Variants in PHIP observed in about 807,000 individuals in gnomAD.
PHIP encodes the protein PH-interacting protein.
PHIP carries 54 observed loss-of-function variants against 236.8 expected under a neutral mutation model. That is an observed-to-expected ratio of 0.23 (90% confidence interval 0.18 to 0.29). The LOEUF (loss-of-function observed/expected upper bound fraction) is 0.29, where lower values mean the gene tolerates loss of function less well. PHIP is among the 10% of genes least tolerant of loss of function. The pLI, the probability that PHIP is intolerant of heterozygous loss-of-function variation, is 1.00. For synonymous variants in PHIP, 756 were observed against 718.9 expected (o/e 1.05, Z -0.83); for missense variants, 1,370 against 2,190.8 (o/e 0.63, Z 7.48).
intron 24 of PHIP, among the ~76,000 whole-genome samples, chr6:78,976,730 C>T (rs1361422933): frequency 1.4e-5 from 2 of 146,926 alleles, no homozygotes; most frequent in Admixed American, 6.9e-5. Context: ...TGAACAGACA[C>T]TTCTCAAAAG....
intron 7 of PHIP, among the ~76,000 whole-genome samples, chr6:79,038,861 C>T (rs554188053): frequency 6.6e-6 from 1 of 152,286 alleles, no homozygotes; most frequent in Admixed American, 6.5e-5. Flanking sequence ...CAAACTTCTC[C>T]CCTTAAATTC....
intron 7 of PHIP, among the ~76,000 whole-genome samples, chr6:79,033,320 TTCTC>T (rs1771764663): frequency 6.6e-6 from 1 of 152,166 alleles, no homozygotes; most frequent in East Asian, 1.9e-4. Flanking sequence ...AGGCATTGAC[TTCTC>T]TCTAATTATG....
intron 10 of PHIP, among the ~76,000 whole-genome samples, 194 bp from the exon 11 acceptor site, chr6:79,017,777 G>A (rs934627408): frequency 6.6e-6 from 1 of 151,800 alleles, no homozygotes; most frequent in African/African-American, 2.4e-5. Context: ...TATCTGACTA[G>A]AATGAATTTT....
chr6:79,052,262 T>C (rs1413643374), intron 6 of PHIP, among the ~76,000 whole-genome samples: 1 of 152,214 alleles, frequency 6.6e-6, no homozygotes, highest in Non-Finnish European at 1.5e-5. Flanking sequence ...AGCCACAGAA[T>C]GCTGATGTGA....
rs115468308 is a variant in PHIP at position 78,981,187 on chromosome 6, G to C, written c.2769+1699C>G. ...TTTGAGGTTTTTTTAAATATGGAAA[G>C]TATAAATAATTTCTTTCCTTTCCAA... On this transcript the variant is annotated intron_variant, in intron 23 of 39. Coordinates refer to ENST00000275034, the MANE Select transcript of PHIP (RefSeq NM_017934.7). Among the ~76,000 whole-genome samples, 898 of 152,040 alleles carry C rather than the reference G, an allele frequency of 5.9e-3. 4 individuals are homozygous for C. Among genetic ancestry groups the C allele is most frequent in the African/African-American group, 0.02 (828 of 41,524 alleles).
Position 79,050,590 on chromosome 6 carries a change from T to A in PHIP, c.440-7587A>T, listed in dbSNP as rs148752551. ...CTGATTAATTTTTGAGCTGTTCTGT[T>A]TTCCAAACTTTCTCTATAGAGCATA... On this transcript the variant is annotated intron_variant, in intron 6 of 39. Coordinates refer to ENST00000275034, the MANE Select transcript of PHIP (RefSeq NM_017934.7). Among the ~76,000 whole-genome samples the A allele has an allele frequency of 1.7e-3, 266 of 152,294 alleles. 1 individual carries two copies. Among genetic ancestry groups the A allele is most frequent in the African/African-American group, 6.1e-3 (253 of 41,580 alleles).
At chr6:79,037,575 A>T (rs1772003144) in intron 7 of PHIP, among the ~76,000 whole-genome samples, 1 of 152,186 alleles carries the variant, frequency 6.6e-6, no homozygotes, top group South Asian at 2.1e-4. Flanking sequence ...AAAAAATAAT[A>T]ATAATAATCA....
intron 7 of PHIP, among the ~76,000 whole-genome samples, chr6:79,040,170 C>T (rs1772136671): frequency 6.6e-6 from 1 of 151,960 alleles, no homozygotes; most frequent in African/African-American, 2.4e-5. Context: ...CACAAAAATC[C>T]TATGTGGTTG....
intron 4 of PHIP, among the ~76,000 whole-genome samples, chr6:79,065,801 C>CACAA: frequency 6.7e-6 from 1 of 149,362 alleles, no homozygotes; most frequent in Admixed American, 6.6e-5. Context: ...CACACACACA[C>CACAA]ACACAGAATA....
At chr6:79,028,862 C>A (rs1005987360) in intron 7 of PHIP, among the ~76,000 whole-genome samples, 1 of 152,164 alleles carries the variant, frequency 6.6e-6, no homozygotes. Context: ...AGATGCTTCA[C>A]ATATTTTTCA....
At chr6:78,964,717 A>T (rs1001855389) in intron 29 of PHIP, among the ~76,000 whole-genome samples, 1 of 152,052 alleles carries the variant, frequency 6.6e-6, no homozygotes, top group African/African-American at 2.4e-5. Flanking sequence ...GCTCTCCAAC[A>T]CCTGACCTCG....
intron 4 of PHIP, among the ~76,000 whole-genome samples, chr6:79,062,931 T>G (rs72904880): frequency 0.026 from 3,943 of 152,314 alleles, 87 homozygotes; most frequent in Non-Finnish European, 0.041. Flanking sequence ...TGCCCCTTTT[T>G]GGACACTTTG....
chr6:79,061,492 A>C (rs1016495488), intron 4 of PHIP, among the ~76,000 whole-genome samples: 1 of 152,188 alleles, frequency 6.6e-6, no homozygotes, highest in Admixed American at 6.5e-5. Flanking sequence ...ATGCAGAAGC[A>C]GATAGGAAAA....
intron 31 of PHIP, among the ~76,000 whole-genome samples, chr6:78,961,385 T>C (rs531684153): frequency 4.6e-5 from 7 of 152,168 alleles, no homozygotes; most frequent in Admixed American, 1.3e-4. Flanking sequence ...CTTTATAAAA[T>C]ACAATATAAA....
intron 4 of PHIP, among the ~76,000 whole-genome samples, chr6:79,061,561 T>G (rs762015470): frequency 2.0e-5 from 3 of 152,134 alleles, no homozygotes; most frequent in Non-Finnish European, 4.4e-5. Flanking sequence ...AATGCCACGC[T>G]TCTCACAAAT....
intron 4 of PHIP, among the ~76,000 whole-genome samples, chr6:79,066,635 T>TAC (rs1277390717): frequency 1.3e-5 from 2 of 152,206 alleles, no homozygotes; most frequent in Non-Finnish European, 1.5e-5. Flanking sequence ...TCACTTGCAC[T>TAC]ACTAAGGAAA....
chr6:79,059,622 T>TATATATATATATATATATAA, intron 6 of PHIP, among the ~76,000 whole-genome samples: 1 of 83,358 alleles, frequency 1.2e-5, no homozygotes, highest in Non-Finnish European at 2.5e-5. Context: ...TATATATATA[T>TATATATATATATATATATAA]ATAAAAATGC....
At chr6:79,007,651 GTTCTTT>G (rs1327290897) in intron 15 of PHIP, among the ~76,000 whole-genome samples, 11 of 101,226 alleles carry the variant, frequency 1.1e-4, no homozygotes, top group Admixed American at 1.0e-3. Context: ...AGTATGTCTT[GTTCTTT>G]TTTTTTTTTT....
intron 24 of PHIP, among the ~76,000 whole-genome samples, chr6:78,974,703 C>G (rs1658372338): frequency 6.6e-6 from 1 of 152,084 alleles, no homozygotes; most frequent in Non-Finnish European, 1.5e-5. Context: ...CACCACCGAT[C>G]CCACAGAAAT....
Sources: gnomAD v4.1 joint callset for allele counts (sites outside exome capture counted in the v4.1 genomes callset) on GRCh38, gnomAD v4.1.1 for gene constraint, MANE v1.5 for transcripts, NCBI Gene and HGNC (gene_info 2026-07-23, HGNC 2026-07-21) for gene names.